Variants in GRIN2B observed in about 807,000 individuals in gnomAD.
GRIN2B encodes the protein glutamate ionotropic receptor NMDA type subunit 2B, also known as glutamate receptor ionotropic, NMDA 2B.
Under a neutral mutation model 114.5 loss-of-function variants are expected in GRIN2B, and 5 were observed. That is an observed-to-expected ratio of 0.04 (90% CI 0.02 to 0.09). GRIN2B has a LOEUF of 0.09. Ranked by LOEUF, GRIN2B falls within the 10% of genes least tolerant of loss-of-function variation. The probability of loss-of-function intolerance (pLI) is 1.00; values close to 1 mark genes in which losing one functional copy is unlikely to be tolerated. For synonymous variants in GRIN2B, 787 were observed against 745.1 expected, an observed-to-expected ratio of 1.06 and a Z score of -0.92; for missense variants, 1,108 against 1,943.5, an observed-to-expected ratio of 0.57 and a Z score of 8.08.
At chr12:13,863,616 C>T (rs1160237885) in intron 3 of GRIN2B, among the ~76,000 whole-genome samples, 3 of 152,216 alleles carry the variant, frequency 2.0e-5, no homozygotes, top group African/African-American at 4.8e-5. Context: ...AGTACATACA[C>T]AGCACTAAGC....
chr12:13,835,941 G>A (rs1351753392), intron 3 of GRIN2B, among the ~76,000 whole-genome samples: 1 of 152,104 alleles, frequency 6.6e-6, no homozygotes, highest in Admixed American at 6.6e-5. Context: ...AGAGTGTAAG[G>A]GAGGTTTGAG....
chr12:13,716,007 C>T (rs549688865), intron 4 of GRIN2B, among the ~76,000 whole-genome samples: 1 of 152,038 alleles, frequency 6.6e-6, no homozygotes, highest in Non-Finnish European at 1.5e-5. Context: ...CCTTCATGAT[C>T]TAAGTCCAAA....
intron 2 of GRIN2B, among the ~76,000 whole-genome samples, chr12:13,977,669 G>A (rs1863049546): frequency 1.3e-5 from 2 of 152,038 alleles, no homozygotes; most frequent in Non-Finnish European, 2.9e-5. Flanking sequence ...TGCTGTGAGG[G>A]GGAAAAAGGG....
intron 5 of GRIN2B, among the ~76,000 whole-genome samples, chr12:13,636,716 A>G (rs1591652701): frequency 6.6e-6 from 1 of 152,170 alleles, no homozygotes; most frequent in Non-Finnish European, 1.5e-5. Context: ...CAGAACAGTG[A>G]TTAGGCTGTG....
At chr12:13,629,043 C>T (rs932578952) in intron 5 of GRIN2B, among the ~76,000 whole-genome samples, 5 of 152,080 alleles carry the variant, frequency 3.3e-5, no homozygotes, top group African/African-American at 1.2e-4. Flanking sequence ...AAAAAAAAGG[C>T]TTGAAGGATC....
intron 5 of GRIN2B, among the ~76,000 whole-genome samples, chr12:13,648,559 C>T (rs1475022826): frequency 6.6e-6 from 1 of 151,904 alleles, no homozygotes; most frequent in East Asian, 1.9e-4. Context: ...TTAAAATTTC[C>T]TCCCACTGCC....
At chr12:13,720,628 T>G (rs375345788) in intron 4 of GRIN2B, among the ~76,000 whole-genome samples, 1 of 152,056 alleles carries the variant, frequency 6.6e-6, no homozygotes, top group South Asian at 2.1e-4. Flanking sequence ...ATCCTATCAC[T>G]GCTCTTGAAA....
chr12:13,756,771 T>C (rs1863583392), intron 3 of GRIN2B, among the ~76,000 whole-genome samples: 1 of 152,190 alleles, frequency 6.6e-6, no homozygotes, highest in South Asian at 2.1e-4. Context: ...CTGGCTGAAA[T>C]ACATAGCAAG....
In GRIN2B at chr12:13,561,765, C is replaced by T. The variant is rs1392789686; in HGVS notation, c.*1018G>A. 6.6e-6 allele frequency: 1 copy of T among 152,624 alleles called. No homozygotes were observed. The highest frequency in any genetic ancestry group is 1.5e-5 in the Non-Finnish European group (1 of 68,036). 9.5% of individuals were successfully genotyped at this position (152,624 alleles called of 1,614,324 possible). A position where few individuals can be genotyped will look rare whatever the true frequency, so the allele number is the denominator to read the frequency against. ...GGTTCAAACTGGTTGAAACAATTGC[C>T]AACCACTGAGGACTTGTTTATGTAC... On this transcript the variant is annotated 3_prime_UTR_variant, in exon 14 of 14. Coordinates refer to ENST00000609686, the MANE Select transcript of GRIN2B (RefSeq NM_000834.5).
rs759282802 is a variant in GRIN2B, at chr12:13,569,894, G to A, written c.2295C>T (p.Ala765=). ...KVFASTGYGI[A]IQKDSGWKRQ... is the part of the protein sequence containing the mutation. ...GCTTCCACCCAGAATCTTTTTGGAT[G>A]GCAATGCCATAGCCAGTGGAAGCAA... The change falls in exon 12 of 14, where the codon GCC becomes GCT. Residue 765 remains alanine (A), a synonymous_variant. Transcript: ENST00000609686. 6.2e-7 allele frequency: 1 copy of A among 1,613,076 alleles called. No homozygotes were observed. Among genetic ancestry groups the A allele is most frequent in the South Asian group, 1.1e-5 (1 of 91,020 alleles).
chr12:13,707,919 C>T (rs1950375976), intron 4 of GRIN2B, among the ~76,000 whole-genome samples: 1 of 152,068 alleles, frequency 6.6e-6, no homozygotes, highest in East Asian at 1.9e-4. Flanking sequence ...GCACAGGCTC[C>T]TAGGTCTCCC....
chr12:13,652,521 C>T (rs535378945), intron 5 of GRIN2B, among the ~76,000 whole-genome samples: 94 of 151,952 alleles, frequency 6.2e-4, no homozygotes, highest in African/African-American at 2.0e-3. Flanking sequence ...CTAGACAAAG[C>T]GGAAACCATG....
intron 4 of GRIN2B, among the ~76,000 whole-genome samples, chr12:13,697,230 C>T (rs1334463265): frequency 6.6e-6 from 1 of 152,070 alleles, no homozygotes; most frequent in African/African-American, 2.4e-5. Flanking sequence ...GGAAAAGCCT[C>T]AATTTTCACT....
At chr12:13,973,163 C>T (rs1432339961) in intron 2 of GRIN2B, among the ~76,000 whole-genome samples, 1 of 152,162 alleles carries the variant, frequency 6.6e-6, no homozygotes, top group Non-Finnish European at 1.5e-5. Flanking sequence ...CCATGTAGTG[C>T]TTTTATTCAG....
chr12:13,647,916 G>A (rs1949777168), intron 5 of GRIN2B, among the ~76,000 whole-genome samples: 1 of 152,078 alleles, frequency 6.6e-6, no homozygotes, highest in Admixed American at 6.6e-5. Flanking sequence ...TTGGATGAAA[G>A]GACGCTGGCA....
At chr12:13,895,718 T>G (rs915544121) in intron 2 of GRIN2B, among the ~76,000 whole-genome samples, 2 of 152,222 alleles carry the variant, frequency 1.3e-5, no homozygotes, top group Middle Eastern at 3.2e-3. Flanking sequence ...GTGATTAGCA[T>G]ATGTAAAGTT....
intron 4 of GRIN2B, among the ~76,000 whole-genome samples, chr12:13,746,484 A>G (rs552068212): frequency 6.6e-6 from 1 of 151,954 alleles, no homozygotes; most frequent in South Asian, 2.1e-4. Flanking sequence ...CATAGACCAT[A>G]TTCCGTCTGT....
intron 2 of GRIN2B, among the ~76,000 whole-genome samples, chr12:13,978,466 A>T (rs975747214): frequency 2.6e-5 from 4 of 152,206 alleles, no homozygotes; most frequent in African/African-American, 7.2e-5. Context: ...TTTGGATTAC[A>T]TCTATCCTTT....
At chr12:13,656,448 G>A (rs1949864714) in intron 5 of GRIN2B, among the ~76,000 whole-genome samples, 3 of 152,204 alleles carry the variant, frequency 2.0e-5, no homozygotes, top group Non-Finnish European at 1.5e-5. Flanking sequence ...AATCACCAAC[G>A]TTTCTTCCAG....
Sources: allele counts gnomAD v4.1 joint callset (sites outside exome capture counted in the v4.1 genomes callset), GRCh38; gene constraint gnomAD v4.1.1; transcripts MANE v1.5; gene names NCBI Gene and HGNC (gene_info 2026-07-23, HGNC 2026-07-21).